Variants in OOEP observed in about 807,000 individuals in gnomAD.
OOEP encodes oocyte-expressed protein homolog.
OOEP carries 16 observed loss-of-function variants against 13.7 expected under a neutral mutation model. The observed-to-expected ratio is 1.16, with a 90% CI of 0.79 to 1.77. The LOEUF (loss-of-function observed/expected upper bound fraction) is 1.77. OOEP is among the 40% of genes most tolerant of loss of function. The pLI is 0.00. For synonymous variants in OOEP, 89 were observed against 77.1 expected (o/e 1.15, Z -0.81); for missense variants, 195 against 193.1 (o/e 1.01, Z -0.06).
chr6:73,377,922 A>G (rs970658860), intron 2 of OOEP, among the ~76,000 whole-genome samples: 4 of 152,076 alleles, frequency 2.6e-5, no homozygotes, highest in African/African-American at 7.2e-5. Flanking sequence ...CGAGCCTTCT[A>G]CCTTGGCCTT....
intron 2 of OOEP, chr6:73,391,879 G>A (rs566179510): frequency 2.0e-5 from 3 of 152,156 alleles, no homozygotes; most frequent in Non-Finnish European, 2.9e-5. Flanking sequence ...CTTAGTTCAC[G>A]AACACAGGTC....
intron 2 of OOEP, among the ~76,000 whole-genome samples, chr6:73,380,862 A>G (rs962827594): frequency 5.3e-5 from 8 of 152,134 alleles, no homozygotes; most frequent in Non-Finnish European, 1.0e-4. Context: ...GATTAATACA[A>G]TCAAGGCCAG....
intron 2 of OOEP, chr6:73,394,342 T>C (rs1334068544): frequency 1.4e-6 from 1 of 715,804 alleles, no homozygotes; most frequent in Non-Finnish European, 2.6e-6. Flanking sequence ...TAACAGTGAC[T>C]TACCTTTATG....
chr6:73,386,933 A>C (rs1345108994), intron 2 of OOEP, among the ~76,000 whole-genome samples: 5 of 137,052 alleles, frequency 3.6e-5, no homozygotes, highest in Non-Finnish European at 3.1e-5. Flanking sequence ...ATGCCATTGC[A>C]GTCCAGCCTG....
In OOEP at chr6:73,369,624, A is replaced by C. The variant is rs1193260507; in HGVS notation, c.169T>G (p.Trp57Gly). 1 of 1,613,820 alleles carries C rather than the reference A, an allele frequency of 6.2e-7. No homozygotes were observed. ...TCACCAAAGAGCTCGTCTGCCAGCC[A>C]TGCCTCTAGGTAGAACACCAAAGGG... is the stretch of plus-strand genomic sequence containing the variant. ...RDPLVFYLEA[W>G]LADELFGPDR... is the part of the protein sequence containing the mutation. The change falls in exon 1 of 3, where the codon TGG (tryptophan) becomes GGG (glycine). Residue 57 changes from tryptophan to glycine, a missense_variant. Transcript: ENST00000370359.
intron 2 of OOEP, among the ~76,000 whole-genome samples, chr6:73,385,073 G>A (rs184530855): frequency 3.3e-5 from 5 of 150,930 alleles, no homozygotes; most frequent in Non-Finnish European, 5.9e-5. Flanking sequence ...GAGGCTGGGC[G>A]TGGTGGCTCA....
intron 2 of OOEP, among the ~76,000 whole-genome samples, chr6:73,376,671 A>C (rs1769144238): frequency 6.8e-6 from 1 of 147,790 alleles, no homozygotes; most frequent in Non-Finnish European, 1.5e-5. Context: ...TGTTTGTTTG[A>C]GATGGAGTCT....
At chr6:73,385,789 T>C (rs1769265304) in intron 2 of OOEP, among the ~76,000 whole-genome samples, 1 of 152,108 alleles carries the variant, frequency 6.6e-6, no homozygotes, top group South Asian at 2.1e-4. Flanking sequence ...GGTTTCACCA[T>C]GTTGGCCAGG....
Position 73,369,316 on chromosome 6 carries a change from T to C in OOEP, c.260A>G (p.Asp87Gly). ...SQALLTVDIV[D>G]SGNLVEITVF... is the part of the protein sequence containing the mutation. ...GGTGATTTCGACTAGGTTCCCTGAGTCCACTATGTCCACTGTCAGCAGGGC... is the reference window on the plus strand; with the variant it reads ...GGTGATTTCGACTAGGTTCCCTGAGCCCACTATGTCCACTGTCAGCAGGGC... Residue 87 changes from aspartate to glycine, a missense_variant, in exon 2 of 3, where the codon GAC (aspartate) becomes GGC (glycine). Coordinates refer to ENST00000370359, the MANE Select transcript of OOEP (RefSeq NM_001080507.3). The C allele has an allele frequency of 1.2e-6, 2 of 1,613,740 alleles. No individual in the cohort carries two copies. Among genetic ancestry groups the C allele is most frequent in the Non-Finnish European group, 1.7e-6 (2 of 1,179,834 alleles).
At chr6:73,386,450 C>T (rs1445081207) in intron 2 of OOEP, among the ~76,000 whole-genome samples, 1 of 151,928 alleles carries the variant, frequency 6.6e-6, no homozygotes, top group African/African-American at 2.4e-5. Flanking sequence ...AATAAACAAA[C>T]AAATAGAATG....
Position 73,369,649 on chromosome 6 carries a change from G to C in OOEP, c.144C>G (p.Asp48Glu). 1 of 1,614,004 alleles carries C rather than the reference G, an allele frequency of 6.2e-7. No homozygotes were observed. Among genetic ancestry groups the C allele is most frequent in the Non-Finnish European group, 8.5e-7 (1 of 1,179,882 alleles). Residue 48 changes from aspartate to glutamate, a missense_variant, in exon 1 of 3, where the codon GAC (aspartate) becomes GAG (glutamate). Coordinates refer to ENST00000370359, the MANE Select transcript of OOEP (RefSeq NM_001080507.3). ...PWWFPVQELR[D>E]PLVFYLEAWL... ...ATGCCTCTAGGTAGAACACCAAAGG[G>C]TCTCTCAGTTCCTGCACCGGAAACC...
chr6:73,385,396 A>T (rs557516942), intron 2 of OOEP, among the ~76,000 whole-genome samples: 1 of 151,938 alleles, frequency 6.6e-6, no homozygotes, highest in Non-Finnish European at 1.5e-5. Flanking sequence ...TTAAAAAAAA[A>T]ATTATATACC....
At chr6:73,379,683 G>T (rs1214250051) in intron 2 of OOEP, among the ~76,000 whole-genome samples, 1 of 145,980 alleles carries the variant, frequency 6.9e-6, no homozygotes, top group Non-Finnish European at 1.5e-5. Context: ...TTACATGTTT[G>T]TAAATCTGTT....
At chr6:73,379,037 A>C (rs937773497) in intron 2 of OOEP, among the ~76,000 whole-genome samples, 1 of 151,792 alleles carries the variant, frequency 6.6e-6, no homozygotes, top group South Asian at 2.1e-4. Context: ...GATTATGATT[A>C]TTATTTTTTG....
chr6:73,376,344 GT>G (rs70994194), intron 2 of OOEP, among the ~76,000 whole-genome samples: 39 of 103,522 alleles, frequency 3.8e-4, no homozygotes, highest in African/African-American at 1.1e-3. Flanking sequence ...ACAAGGGGTT[GT>G]TTTTTTTTTT....
chr6:73,371,694 G>C (rs1299102910), upstream of OOEP, among the ~76,000 whole-genome samples: 1 of 151,670 alleles, frequency 6.6e-6, no homozygotes, highest in Non-Finnish European at 1.5e-5. Context: ...AGGTTGTCGT[G>C]AGCCAAGATC....
upstream of OOEP, among the ~76,000 whole-genome samples, chr6:73,374,266 C>T (rs1323942055): frequency 2.0e-5 from 3 of 152,038 alleles, no homozygotes; most frequent in Non-Finnish European, 4.4e-5. Flanking sequence ...TACCTGGAGT[C>T]TATGAAAGTC....
At chr6:73,394,789 T>A in exon 1 of OOEP, 3 of 1,458,206 alleles carry the variant, frequency 2.1e-6, no homozygotes. Context: ...GCTAGCCTCG[T>A]GCGGGCTCCT....
intron 2 of OOEP, among the ~76,000 whole-genome samples, chr6:73,380,009 A>G (rs530142746): frequency 1.3e-5 from 2 of 152,344 alleles, no homozygotes; most frequent in Non-Finnish European, 2.9e-5. Context: ...ACACTCAGCA[A>G]ACGGTAGCTT....
Sources: allele counts gnomAD v4.1 joint callset (sites outside exome capture counted in the v4.1 genomes callset), GRCh38; gene constraint gnomAD v4.1.1; transcripts MANE v1.5; gene names NCBI Gene and HGNC (gene_info 2026-07-23, HGNC 2026-07-21).